The following TLR7 variants were observed in gnomAD, a reference collection of about 807,000 sequenced individuals.
TLR7 encodes toll-like receptor 7.
A neutral mutation model predicts 38.3 loss-of-function variants in TLR7; 12 were observed. The ratio of observed to expected loss-of-function variants is 0.31; its 90% CI spans 0.20 to 0.51. The LOEUF (loss-of-function observed/expected upper bound fraction) is 0.51. Ranked by LOEUF, TLR7 falls within the 20% of genes least tolerant of loss-of-function variation. The pLI is 0.98. For missense variants in TLR7, 504 were observed against 743.4 expected (o/e 0.68, Z 3.74); for synonymous variants, 285 against 293.8 (o/e 0.97, Z 0.31).
intron 2 of TLR7, among the ~76,000 whole-genome samples, chrX:12,880,318 G>A (rs988345309): frequency 8.9e-6 from 1 of 111,828 alleles, no homozygotes; most frequent in Non-Finnish European, 1.9e-5. Flanking sequence ...CTGCCTCAGA[G>A]GGGCATATGG....
intron 2 of TLR7, among the ~76,000 whole-genome samples, chrX:12,877,021 A>C (rs1175449821): frequency 8.9e-6 from 1 of 112,271 alleles, no homozygotes; most frequent in Non-Finnish European, 1.9e-5. Flanking sequence ...TTAAATCTCA[A>C]AATAACGATA....
intron 2 of TLR7, among the ~76,000 whole-genome samples, chrX:12,877,033 T>C (rs1439347088): frequency 8.9e-6 from 1 of 112,219 alleles, no homozygotes; most frequent in Non-Finnish European, 1.9e-5. Flanking sequence ...ATAACGATAG[T>C]TGAAGCTAAG....
chrX:12,886,150 C>T lies in TLR7; in HGVS notation c.642C>T (p.Asn214=), dbSNP rs762911559. Residue 214 remains asparagine, a synonymous_variant, in exon 3 of 3, where the codon AAC becomes AAT. Coordinates refer to ENST00000380659, the MANE Select transcript of TLR7 (RefSeq NM_016562.4). ...TAAAAGTGCTCTCCCTGAAAGATAA[C>T]AATGTCACAGCCGTCCCTACTGTTT... ...TKLKVLSLKD[N]NVTAVPTVLP... The T allele has an allele frequency of 8.3e-7, 1 of 1,211,736 alleles. No individual in the cohort carries two copies. The highest frequency in any genetic ancestry group is 1.8e-5 in the South Asian group (1 of 57,027).
Position 12,889,769 on chromosome X carries a change from G to C in TLR7, c.*1111G>C, listed in dbSNP as rs2042924859. On this transcript the variant is annotated 3_prime_UTR_variant, in exon 3 of 3. Coordinates refer to ENST00000380659, the MANE Select transcript of TLR7 (RefSeq NM_016562.4). ...CATCCAATATCTTTCAAACTGTTTT[G>C]TTAACTAATGCCATATATTTGTAAG... 8.9e-6 allele frequency: 1 copy of C among 112,649 alleles called. No individual in the cohort carries two copies. The highest frequency in any genetic ancestry group is 1.9e-5 in the Non-Finnish European group (1 of 53,328). 9.3% of individuals were successfully genotyped at this position (112,649 alleles called of 1,213,427 possible).
intron 2 of TLR7, among the ~76,000 whole-genome samples, chrX:12,877,909 T>C (rs1043677507): frequency 1.8e-5 from 2 of 111,932 alleles, no homozygotes; most frequent in Non-Finnish European, 3.8e-5. Flanking sequence ...GAATCTTCTA[T>C]GGGATTTTAA....
At chrX:12,878,669 T>C (rs776712628) in intron 2 of TLR7, among the ~76,000 whole-genome samples, 3 of 111,794 alleles carry the variant, frequency 2.7e-5, no homozygotes, top group Non-Finnish European at 5.6e-5. Flanking sequence ...CACATGTGAC[T>C]ATGACATTAG....
At chrX:12,872,700 T>G (rs1315514558) in intron 2 of TLR7, among the ~76,000 whole-genome samples, 1 of 110,558 alleles carries the variant, frequency 9.0e-6, no homozygotes, top group African/African-American at 3.3e-5. Context: ...TCTCCTTACG[T>G]TCTTCCAAGA....
intron 2 of TLR7, among the ~76,000 whole-genome samples, chrX:12,881,350 G>A (rs2042890708): frequency 9.3e-6 from 1 of 107,944 alleles, no homozygotes; most frequent in Non-Finnish European, 1.9e-5. Flanking sequence ...TTTGGAGGTA[G>A]ATCTTGACCT....
chrX:12,867,741 A>T (rs1384170760), intron 2 of TLR7, among the ~76,000 whole-genome samples, 160 bp downstream of exon 2: 1 of 112,761 alleles, frequency 8.9e-6, no homozygotes, highest in Non-Finnish European at 1.9e-5. Context: ...TGAAGGGGGC[A>T]TGTCACAATT....
chrX:12,880,195 A>G (rs781489472), intron 2 of TLR7, among the ~76,000 whole-genome samples: 172 of 112,181 alleles, frequency 1.5e-3, no homozygotes, highest in Non-Finnish European at 2.1e-3. Context: ...AATATGAGTC[A>G]GTAGATACAT....
intron 2 of TLR7, among the ~76,000 whole-genome samples, chrX:12,870,749 G>T (rs979785623): frequency 2.7e-5 from 3 of 111,927 alleles, no homozygotes; most frequent in Non-Finnish European, 3.8e-5. Context: ...TCAAGTTTCA[G>T]TGTTTACAAA....
At position 12,868,702 on chromosome X, in the gene TLR7, C is replaced by CT. The variant is rs758139988; in HGVS notation, c.3+1121_3+1122insT. Among the ~76,000 whole-genome samples the CT allele has an allele frequency of 3.7e-3, 409 of 111,647 alleles. 1 individual carries two copies. Among genetic ancestry groups the CT allele is most frequent in the Non-Finnish European group, 5.9e-3 (316 of 53,110 alleles). On this transcript the variant is annotated intron_variant, in intron 2 of 2. Transcript: ENST00000380659. ...CCAAAACTTAGTCGGAAAAAGACGT[C>CT]AAGGGCCTTTTTCTGAAATTATTTT...
At chrX:12,878,393 G>C (rs1243624252) in intron 2 of TLR7, among the ~76,000 whole-genome samples, 1 of 111,480 alleles carries the variant, frequency 9.0e-6, no homozygotes, top group Non-Finnish European at 1.9e-5. Flanking sequence ...ATTCTAATTA[G>C]TTACATTCTC....
At chrX:12,875,955 CA>C (rs1187622308) in intron 2 of TLR7, among the ~76,000 whole-genome samples, 4 of 103,808 alleles carry the variant, frequency 3.9e-5, no homozygotes, top group Non-Finnish European at 5.9e-5. Context: ...ATAAACACAC[CA>C]TTTTTTTTTT....
intron 2 of TLR7, among the ~76,000 whole-genome samples, chrX:12,875,477 C>T (rs927924074): frequency 5.4e-5 from 6 of 111,925 alleles, no homozygotes; most frequent in African/African-American, 1.9e-4. Flanking sequence ...CACAAAATGC[C>T]CTCATGTAAC....
At chrX:12,884,431 G>A (rs1445042918) in intron 2 of TLR7, among the ~76,000 whole-genome samples, 2 of 112,435 alleles carry the variant, frequency 1.8e-5, no homozygotes, top group Non-Finnish European at 3.8e-5. Flanking sequence ...GTGTTCTGGA[G>A]TAGACATTGC....
chrX:12,888,403 A>C lies in TLR7; in HGVS notation c.2895A>C (p.Glu965Asp), dbSNP rs760167499. The change falls in exon 3 of 3, where the codon GAA becomes GAC. Residue 965 changes from glutamate to aspartate, a missense_variant. Physicochemically the swap from Glu to Asp is conservative, Grantham distance 45. Transcript: ENST00000380659. ...FVMTDKYAKT[E>D]NFKIAFYLSH... ...TGACAGACAAGTATGCAAAGACTGA[A>C]AATTTTAAGATAGCATTTTACTTGT... 6.6e-6 allele frequency: 8 copies of C among 1,212,147 alleles called. No homozygotes were observed. The highest frequency in any genetic ancestry group is 7.8e-6 in the Non-Finnish European group (7 of 895,584).
At position 12,870,648 on chromosome X, in the gene TLR7, T is replaced by G. The variant is rs201138108; in HGVS notation, c.3+3067T>G. Among the ~76,000 whole-genome samples, 12 of 111,837 alleles carry G rather than the reference T, an allele frequency of 1.1e-4. No individual in the cohort carries two copies. In the East Asian group the frequency reaches 3.3e-3, roughly 31 times the overall value. ...TATATCCCACCTGCTGTACAGCTCATGAGCTAAGGGGTTTTTTTTTAATTG... is the reference window on the plus strand; with the variant it reads ...TATATCCCACCTGCTGTACAGCTCAGGAGCTAAGGGGTTTTTTTTTAATTG... On this transcript the variant is annotated intron_variant, in intron 2 of 2. Coordinates refer to ENST00000380659, the MANE Select transcript of TLR7 (RefSeq NM_016562.4).
chrX:12,874,726 C>A (rs1016688367), intron 2 of TLR7, among the ~76,000 whole-genome samples: 1 of 112,255 alleles, frequency 8.9e-6, no homozygotes, highest in Non-Finnish European at 1.9e-5. Context: ...GTGGTGCTAA[C>A]CCCTAGAATA....
Sources: allele counts gnomAD v4.1 joint callset (sites outside exome capture counted in the v4.1 genomes callset), GRCh38; gene constraint gnomAD v4.1.1; transcripts MANE v1.5; gene names NCBI Gene and HGNC (gene_info 2026-07-23, HGNC 2026-07-21).